Variants in SLC5A4 observed in about 807,000 individuals in gnomAD.
SLC5A4 encodes the protein probable glucose sensor protein SLC5A4.
In SLC5A4, 55 loss-of-function variants were observed where a neutral mutation model predicts 70.3. The ratio of observed to expected loss-of-function variants is 0.78; its 90% CI spans 0.63 to 0.98. The LOEUF is 0.98. Among genes scored for constraint, SLC5A4 ranks in the 50% least tolerant of loss-of-function variants. SLC5A4 has a pLI of 0.00. For synonymous variants in SLC5A4, 268 were observed against 305.7 expected (o/e 0.88, Z 1.29); for missense variants, 735 against 839.2 (o/e 0.88, Z 1.53).
the SLC5A4 span, among the ~76,000 whole-genome samples, chr22:32,282,782 G>A: frequency 6.6e-5 from 10 of 152,210 alleles, no homozygotes; most frequent in Non-Finnish European, 1.5e-4. Context: ...TGGGCCAGGA[G>A]CCTGTGTTTG....
the SLC5A4 span, among the ~76,000 whole-genome samples, chr22:32,315,758 A>C: frequency 2.0e-5 from 3 of 148,882 alleles, no homozygotes; most frequent in Admixed American, 2.0e-4. Flanking sequence ...TGCATCTGCC[A>C]TATCTGTAAA....
chr22:32,267,459 T>C, the SLC5A4 span, among the ~76,000 whole-genome samples: 1 of 152,214 alleles, frequency 6.6e-6, no homozygotes, highest in Non-Finnish European at 1.5e-5. Context: ...GAAAATGTTA[T>C]CATTTCAGCA....
intron 3 of SLC5A4, among the ~76,000 whole-genome samples, chr22:32,249,080 C>A (rs1288038717): frequency 5.3e-5 from 8 of 152,042 alleles, no homozygotes; most frequent in Non-Finnish European, 1.2e-4. Flanking sequence ...ACAATCTTTG[C>A]CAAAGGGAAT....
At chr22:32,221,047 C>T (rs754015074) in intron 13 of SLC5A4, 25 bp from the exon 14 acceptor site, 7 of 1,450,110 alleles carry the variant, frequency 4.8e-6, no homozygotes, top group Non-Finnish European at 3.9e-6. Context: ...TACAAAAGTG[C>T]ATTAGTAATA....
At chr22:32,354,553 C>T in the SLC5A4 span, among the ~76,000 whole-genome samples, 4 of 151,978 alleles carry the variant, frequency 2.6e-5, no homozygotes, top group African/African-American at 9.7e-5. Context: ...GTTCTTCCAA[C>T]TCGCCCGCCG....
the SLC5A4 span, among the ~76,000 whole-genome samples, chr22:32,264,721 C>CA: frequency 6.1e-4 from 93 of 152,050 alleles, no homozygotes; most frequent in East Asian, 1.9e-4. Context: ...GTAATCATAC[C>CA]CTGCATGTTT....
the SLC5A4 span, among the ~76,000 whole-genome samples, chr22:32,302,617 A>G: frequency 6.6e-6 from 1 of 152,170 alleles, no homozygotes; most frequent in African/African-American, 2.4e-5. Context: ...CCCTTAGCCA[A>G]AAACCAATTT....
the SLC5A4 span, among the ~76,000 whole-genome samples, chr22:32,312,579 A>C: frequency 1.3e-5 from 2 of 152,048 alleles, no homozygotes; most frequent in African/African-American, 2.4e-5. Context: ...CACCAGCCCA[A>C]AACAGGACTA....
At chr22:32,355,009 C>T in the SLC5A4 span, 12 of 152,290 alleles carry the variant, frequency 7.9e-5, no homozygotes, top group Non-Finnish European at 1.3e-4. Context: ...TTTCTTTTTC[C>T]TCTAAGCCAG....
intron 14 of SLC5A4, among the ~76,000 whole-genome samples, 184 bp downstream of exon 14, chr22:32,220,736 G>C (rs1264530906): frequency 6.6e-6 from 1 of 152,204 alleles, no homozygotes; most frequent in Non-Finnish European, 1.5e-5. Flanking sequence ...CCAATGGACA[G>C]GCAGATGAAT....
chr22:32,221,084 A>G, intron 13 of SLC5A4, 62 bp from the exon 14 acceptor site: 1 of 1,044,070 alleles, frequency 9.6e-7, no homozygotes, highest in Non-Finnish European at 1.5e-6. Flanking sequence ...AGTATAATAG[A>G]ATGGTACCTT....
chr22:32,269,671 A>G, the SLC5A4 span: 1 of 595,054 alleles, frequency 1.7e-6, no homozygotes, highest in Admixed American at 2.0e-5. This position sits in a 1 kb window ranked among gnomAD's most constrained non-coding sequence, Gnocchi z 4.1. Flanking sequence ...TCGCTGTTAT[A>G]CCTGAACCAG....
chr22:32,314,152 AG>A, the SLC5A4 span, among the ~76,000 whole-genome samples: 2 of 152,326 alleles, frequency 1.3e-5, no homozygotes, highest in African/African-American at 4.8e-5. Context: ...GAATGTGTAC[AG>A]GGGCTAAGGG....
At chr22:32,304,135 CCTTT>C in the SLC5A4 span, among the ~76,000 whole-genome samples, 148 of 152,124 alleles carry the variant, frequency 9.7e-4, no homozygotes, top group African/African-American at 3.1e-3. Flanking sequence ...GTTTCCTTTT[CCTTT>C]CTTTTTTTTG....
the SLC5A4 span, among the ~76,000 whole-genome samples, chr22:32,268,011 G>A: frequency 6.6e-6 from 1 of 152,014 alleles, no homozygotes; most frequent in Non-Finnish European, 1.5e-5. Flanking sequence ...GTAGTCCCAG[G>A]TACTTGGGAA....
At chr22:32,264,878 C>G in the SLC5A4 span, among the ~76,000 whole-genome samples, 1 of 152,080 alleles carries the variant, frequency 6.6e-6, no homozygotes. Flanking sequence ...CGTTTATAGT[C>G]TGTTGAAAGA....
chr22:32,268,337 C>T, the SLC5A4 span: 3 of 152,142 alleles, frequency 2.0e-5, no homozygotes, highest in Non-Finnish European at 4.4e-5. Flanking sequence ...TGTCTCATCT[C>T]CCTATCTTAT....
At chr22:32,302,554 C>T in the SLC5A4 span, among the ~76,000 whole-genome samples, 1 of 152,180 alleles carries the variant, frequency 6.6e-6, no homozygotes, top group African/African-American at 2.4e-5. Context: ...TGTCCAATTG[C>T]TCCAGCACCA....
the SLC5A4 span, among the ~76,000 whole-genome samples, chr22:32,321,131 C>T: frequency 1.3e-4 from 20 of 152,306 alleles, no homozygotes; most frequent in South Asian, 2.1e-4. Flanking sequence ...ACTAAAAACA[C>T]AAAAATAAGC....
Sources: allele counts gnomAD v4.1 joint callset (sites outside exome capture counted in the v4.1 genomes callset), GRCh38; gene constraint gnomAD v4.1.1; non-coding constraint Gnocchi (gnomAD v3.1); transcripts MANE v1.5; gene names NCBI Gene and HGNC (gene_info 2026-07-23, HGNC 2026-07-21).